The following SMIM41 variants were observed in gnomAD, a reference collection of about 807,000 sequenced individuals.
SMIM41 encodes small integral membrane protein 41.
intron 2 of SMIM41, among the ~76,000 whole-genome samples, chr12:52,085,316 T>A (rs774747243): frequency 6.6e-6 from 1 of 152,076 alleles, no homozygotes; most frequent in Non-Finnish European, 1.5e-5. Context: ...TGGAATCACA[T>A]GGTCTGGATT....
intron 2 of SMIM41, among the ~76,000 whole-genome samples, chr12:52,086,385 A>C (rs1020716820): frequency 1.3e-5 from 2 of 152,206 alleles, no homozygotes; most frequent in African/African-American, 4.8e-5. Flanking sequence ...CTGCGAGCCC[A>C]CTGCAGGGTG....
chr12:52,099,733 T>C (rs1197792305), intron 2 of SMIM41, among the ~76,000 whole-genome samples: 1 of 152,042 alleles, frequency 6.6e-6, no homozygotes, highest in Non-Finnish European at 1.5e-5. Flanking sequence ...AACAACATCA[T>C]GGCGTGGGGG....
intron 1 of SMIM41, chr12:52,082,234 G>A (rs55776001): frequency 2.8e-3 from 429 of 152,500 alleles, no homozygotes; most frequent in Admixed American, 4.4e-3. Context: ...ATGACCTTCC[G>A]TTTGGCCTTT....
chr12:52,090,661 A>C (rs1939984402), intron 2 of SMIM41, among the ~76,000 whole-genome samples: 1 of 152,210 alleles, frequency 6.6e-6, no homozygotes, highest in Non-Finnish European at 1.5e-5. Context: ...TCAGGAAGCC[A>C]CTGAAGAGTG....
At chr12:52,104,170 T>G (rs529394261) in intron 2 of SMIM41, 1 of 152,368 alleles carries the variant, frequency 6.6e-6, no homozygotes, top group East Asian at 1.9e-4. Context: ...AGCTTTCTCC[T>G]GATTAGAGGA....
intron 2 of SMIM41, among the ~76,000 whole-genome samples, chr12:52,105,683 G>A (rs1383279479): frequency 7.2e-5 from 11 of 152,074 alleles, no homozygotes; most frequent in Admixed American, 7.2e-4. Context: ...AACCTGGGAT[G>A]CGGAGGTTGC....
chr12:52,107,321 T>C, intron 2 of SMIM41, 58 bp from the exon 3 acceptor site: 1 of 465,278 alleles, frequency 2.1e-6, no homozygotes, highest in Non-Finnish European at 4.3e-6. Flanking sequence ...AGGCAAAAGT[T>C]GTCCAAACTA....
At chr12:52,101,551 A>C (rs375347349) in intron 2 of SMIM41, among the ~76,000 whole-genome samples, 2 of 152,192 alleles carry the variant, frequency 1.3e-5, no homozygotes, top group African/African-American at 4.8e-5. Context: ...ATACAGAAAG[A>C]TGGAATAAGT....
chr12:52,104,620 A>G (rs1592332573), intron 2 of SMIM41, among the ~76,000 whole-genome samples: 1 of 151,648 alleles, frequency 6.6e-6, no homozygotes, highest in East Asian at 1.9e-4. Context: ...GAGGAGACCA[A>G]CGTGCAAACT....
intron 2 of SMIM41, among the ~76,000 whole-genome samples, chr12:52,100,792 T>C (rs1940203732): frequency 6.6e-6 from 1 of 152,140 alleles, no homozygotes; most frequent in African/African-American, 2.4e-5. Flanking sequence ...CATTTTCATT[T>C]TACATTTGTT....
intron 2 of SMIM41, chr12:52,104,434 A>G (rs1279307233): frequency 2.4e-5 from 4 of 169,860 alleles, no homozygotes; most frequent in Non-Finnish European, 5.1e-5. Flanking sequence ...GCCAGCCTTG[A>G]GGATGGAGTC....
intron 2 of SMIM41, among the ~76,000 whole-genome samples, chr12:52,098,557 T>C (rs1317786010): frequency 1.3e-5 from 2 of 151,220 alleles, no homozygotes; most frequent in East Asian, 1.9e-4. Context: ...TATCATCCTC[T>C]TCCCCCCTGG....
chr12:52,082,522 T>A (rs1939833161), intron 1 of SMIM41, among the ~76,000 whole-genome samples: 1 of 152,186 alleles, frequency 6.6e-6, no homozygotes. Flanking sequence ...GCTGTCAGGC[T>A]GAGTGGGCAG....
chr12:52,098,741 G>A (rs867471220), intron 2 of SMIM41, among the ~76,000 whole-genome samples: 1 of 151,290 alleles, frequency 6.6e-6, no homozygotes, highest in Non-Finnish European at 1.5e-5. Flanking sequence ...TCACGGGGGG[G>A]GGGGTGTACT....
chr12:52,102,754 G>T (rs1248597551), intron 2 of SMIM41, among the ~76,000 whole-genome samples: 1 of 152,188 alleles, frequency 6.6e-6, no homozygotes, highest in Non-Finnish European at 1.5e-5. Flanking sequence ...GAATATGATT[G>T]GAGGGAATGT....
chr12:52,108,149 T>C lies in SMIM41; in HGVS notation c.*966T>C. On this transcript the variant is annotated 3_prime_UTR_variant, in exon 3 of 3. Transcript: ENST00000546390. ...ATGTGTCATCTTCCCCCAGAAAGGG[T>C]GCAGTGGCTGCAGTGATGTACACGG... The C allele has an allele frequency of 4.5e-6, 1 of 220,884 alleles. No homozygotes were observed. The highest frequency in any genetic ancestry group is 1.5e-3 in the Middle Eastern group (1 of 672). The allele number at this position is 220,884 out of a possible 1,614,324, so 13.7% of individuals were successfully genotyped here. A position where few individuals can be genotyped will look rare whatever the true frequency, so the allele number is the denominator to read the frequency against.
intron 2 of SMIM41, among the ~76,000 whole-genome samples, chr12:52,086,060 G>C (rs940152112): frequency 1.3e-5 from 2 of 152,222 alleles, no homozygotes; most frequent in African/African-American, 4.8e-5. Context: ...GAAGGCAGGG[G>C]ATGCAGGACG....
chr12:52,080,604 C>A (rs1177278646), intron 1 of SMIM41, among the ~76,000 whole-genome samples: 1 of 152,216 alleles, frequency 6.6e-6, no homozygotes, highest in African/African-American at 2.4e-5. Context: ...TCTGCCCCAG[C>A]CCCTATAGGT....
chr12:52,088,234 G>A (rs767819907), intron 2 of SMIM41, among the ~76,000 whole-genome samples: 21 of 152,372 alleles, frequency 1.4e-4, no homozygotes, highest in Middle Eastern at 3.4e-3. Flanking sequence ...TGGAAAGACA[G>A]CAGAGTGACG....
Sources: allele counts gnomAD v4.1 joint callset (sites outside exome capture counted in the v4.1 genomes callset), GRCh38; gene constraint gnomAD v4.1.1; transcripts MANE v1.5; gene names NCBI Gene and HGNC (gene_info 2026-07-23, HGNC 2026-07-21).